Variants in CNGA1 observed in about 807,000 individuals in gnomAD.
CNGA1 encodes cyclic nucleotide-gated channel alpha-1.
A neutral mutation model predicts 69.7 loss-of-function variants in CNGA1; 53 were observed. The observed-to-expected ratio is 0.76, with a 90% CI of 0.61 to 0.96. The LOEUF is 0.96. Among genes scored for constraint, CNGA1 ranks in the 40% least tolerant of loss-of-function variants. The pLI is 0.00. For missense variants in CNGA1, 739 were observed against 811.2 expected (o/e 0.91, Z 1.08); for synonymous variants, 249 against 283.5 (o/e 0.88, Z 1.22).
At chr4:47,963,078 C>T (rs1400867460) in intron 3 of CNGA1, among the ~76,000 whole-genome samples, 1 of 152,080 alleles carries the variant, frequency 6.6e-6, no homozygotes, top group Non-Finnish European at 1.5e-5. Flanking sequence ...CCGCCTCAAC[C>T]TTCTGGGTAG....
Position 47,936,997 on chromosome 4 carries a change from G to A in CNGA1, c.1485C>T (p.Val495=). 6.2e-7 allele frequency: 1 copy of A among 1,614,100 alleles called. No individual in the cohort carries two copies. The highest frequency in any genetic ancestry group is 1.3e-5 in the African/African-American group (1 of 75,012). The change falls in exon 11 of 11, where the codon GTC becomes GTT. Residue 495 remains valine (V), a synonymous_variant. Transcript: ENST00000514170. The part of the protein sequence containing the change: ...VELVLKLQPQ[V]YSPGDYICKK... The stretch of plus-strand genomic sequence containing the variant: ...TGCAAATATAATCTCCAGGACTGTA[G>A]ACTTGGGGTTGCAATTTCAAGACCA...
At chr4:47,985,654 A>T (rs924533394) in intron 2 of CNGA1, among the ~76,000 whole-genome samples, 1 of 151,810 alleles carries the variant, frequency 6.6e-6, no homozygotes, top group African/African-American at 2.4e-5. Flanking sequence ...ATACACACAC[A>T]CTCTCTCTCT....
At chr4:47,987,663 A>G (rs548465211) in intron 2 of CNGA1, among the ~76,000 whole-genome samples, 2 of 152,340 alleles carry the variant, frequency 1.3e-5, no homozygotes, top group South Asian at 4.1e-4. Context: ...AAGACAATAA[A>G]TAAAGTAATA....
At chr4:47,972,041 T>C (rs1402320498) in intron 3 of CNGA1, among the ~76,000 whole-genome samples, 1 of 152,234 alleles carries the variant, frequency 6.6e-6, no homozygotes, top group Non-Finnish European at 1.5e-5. Flanking sequence ...TACGTACCTA[T>C]GTAAGCTTCC....
chr4:47,945,030 A>G (rs1162107394), intron 6 of CNGA1, among the ~76,000 whole-genome samples: 1 of 152,080 alleles, frequency 6.6e-6, no homozygotes, highest in African/African-American at 2.4e-5. Flanking sequence ...ATCAGGAATG[A>G]ATAATTAGGA....
intron 2 of CNGA1, among the ~76,000 whole-genome samples, chr4:47,992,653 ATTTATTATTTAT>A (rs1343812824): frequency 6.7e-4 from 76 of 112,816 alleles, no homozygotes; most frequent in Non-Finnish European, 1.4e-3. Context: ...TTTGGATGCC[ATTTATTATTTAT>A]TTATTTATTT....
In CNGA1 at chr4:47,936,432, C is replaced by T. The variant is rs867957895; in HGVS notation, c.2050G>A (p.Asp684Asn). Residue 684 changes from aspartate (D) to asparagine (N), a missense_variant, in exon 11 of 11, where the codon GAC becomes AAC. Coordinates refer to ENST00000514170, the MANE Select transcript of CNGA1 (RefSeq NM_001379270.1). ...EGPGAESGPIDST is the reference protein window; with the variant it reads ...EGPGAESGPINST ...CCAGCTTTTCGGTTCTATGTAGAGT[C>T]GATGGGCCCACTTTCCGCTCCAGGT... The T allele has an allele frequency of 1.9e-6, 3 of 1,614,108 alleles. No individual in the cohort carries two copies. The highest frequency in any genetic ancestry group is 1.7e-5 in the Admixed American group (1 of 60,018).
intron 2 of CNGA1, among the ~76,000 whole-genome samples, chr4:47,986,975 T>C (rs186504): frequency 2.4e-4 from 18 of 75,094 alleles, no homozygotes; most frequent in Non-Finnish European, 4.0e-4. Context: ...GATAAGAGTA[T>C]TGTGTTGTGT....
intron 3 of CNGA1, among the ~76,000 whole-genome samples, chr4:47,970,718 C>T (rs889011602): frequency 2.0e-5 from 3 of 151,522 alleles, no homozygotes; most frequent in African/African-American, 7.3e-5. Flanking sequence ...TCTTCTGCCA[C>T]AGTCTCAATC....
intron 5 of CNGA1, among the ~76,000 whole-genome samples, chr4:47,950,359 C>T (rs1739666428): frequency 6.6e-6 from 1 of 152,238 alleles, no homozygotes; most frequent in Admixed American, 6.5e-5. Flanking sequence ...TTTGCTCCTC[C>T]TTTGCCTTCT....
chr4:48,015,546 A>G (rs1405495348), intron 1 of CNGA1, among the ~76,000 whole-genome samples: 4 of 152,178 alleles, frequency 2.6e-5, no homozygotes, highest in Non-Finnish European at 4.4e-5. Flanking sequence ...CAGAGCACAA[A>G]GGCACCCCAG....
chr4:47,981,715 G>A (rs1338132937), intron 2 of CNGA1, among the ~76,000 whole-genome samples: 2 of 152,094 alleles, frequency 1.3e-5, no homozygotes, highest in African/African-American at 4.8e-5. Context: ...CTATTAATAT[G>A]AATGAGAGTT....
rs1022891614 is a variant in CNGA1, at chr4:47,986,265, G to A, written c.-122-4765C>T. 3.3e-5 allele frequency among the ~76,000 whole-genome samples: 5 copies of A among 152,068 alleles called. No individual in the cohort carries two copies. The East Asian group carries it at 9.7e-4, about 29-fold the overall frequency. On this transcript the variant is annotated intron_variant, in intron 2 of 10. Coordinates refer to ENST00000514170, the MANE Select transcript of CNGA1 (RefSeq NM_001379270.1). ...TCTACTAAAATACAAAAATGAGCAA[G>A]GCATGATGGTGCATGCCCATAATCC...
At chr4:47,944,254 A>G (rs1478135886) in intron 6 of CNGA1, among the ~76,000 whole-genome samples, 1 of 152,184 alleles carries the variant, frequency 6.6e-6, no homozygotes, top group Non-Finnish European at 1.5e-5. Context: ...TTCTAAGTGC[A>G]ATGGACTCAA....
chr4:47,988,577 G>A (rs1004916276), intron 2 of CNGA1, among the ~76,000 whole-genome samples: 1 of 152,038 alleles, frequency 6.6e-6, no homozygotes, highest in African/African-American at 2.4e-5. Context: ...CTCTTTGAGT[G>A]CAAAAGTTCT....
At chr4:48,007,946 A>G (rs1307668454) in intron 2 of CNGA1, among the ~76,000 whole-genome samples, 1 of 152,178 alleles carries the variant, frequency 6.6e-6, no homozygotes, top group African/African-American at 2.4e-5. Flanking sequence ...TCCTTTTAAA[A>G]GGGGAGAGAA....
chr4:47,971,205 G>C, intron 3 of CNGA1: 1 of 356,926 alleles, frequency 2.8e-6, no homozygotes, highest in Non-Finnish European at 5.5e-6. Flanking sequence ...TGTGCTGTGC[G>C]TAAAGGAGTG....
At chr4:47,990,899 G>C (rs1742234222) in intron 2 of CNGA1, among the ~76,000 whole-genome samples, 1 of 152,082 alleles carries the variant, frequency 6.6e-6, no homozygotes, top group South Asian at 2.1e-4. Context: ...TACAATATTT[G>C]GTTTCCCATT....
At chr4:47,973,242 AT>A (rs1741142855) in intron 3 of CNGA1, among the ~76,000 whole-genome samples, 1 of 151,840 alleles carries the variant, frequency 6.6e-6, no homozygotes, top group Non-Finnish European at 1.5e-5. Context: ...TAATTTTTAT[AT>A]TTTTGTAGAG....
Sources: allele counts gnomAD v4.1 joint callset (sites outside exome capture counted in the v4.1 genomes callset), GRCh38; gene constraint gnomAD v4.1.1; transcripts MANE v1.5; gene names NCBI Gene and HGNC (gene_info 2026-07-23, HGNC 2026-07-21).